Variants in GNAS observed in about 807,000 individuals in gnomAD.
The protein encoded by GNAS is protein ALEX.
A neutral mutation model predicts 54.5 loss-of-function variants in GNAS; 8 were observed. The observed-to-expected ratio is 0.15, with a 90% CI of 0.09 to 0.26. GNAS has a LOEUF of 0.26. Ranked by LOEUF, GNAS falls within the 10% of genes least tolerant of loss-of-function variation. The pLI is 1.00. For synonymous variants in GNAS, 204 were observed against 191.4 expected (o/e 1.07, Z -0.54); for missense variants, 170 against 529.8 (o/e 0.32, Z 6.67).
rs2091341859 is a variant in GNAS at position 58,910,166 on chromosome 20, C to T, written c.970+85C>T. Reference sequence around the variant, plus strand: ...AGGCTGAAAACCCCCATCCCCCTCCCACCACCAAACCATAAAGGATCTATA... The same window carrying T: ...AGGCTGAAAACCCCCATCCCCCTCCTACCACCAAACCATAAAGGATCTATA... On this transcript the variant is annotated intron_variant, in intron 11 of 12. Coordinates refer to ENST00000371085, the MANE Select transcript of GNAS (RefSeq NM_000516.7). This position sits in a 1 kb window ranked among gnomAD's most constrained non-coding sequence, Gnocchi z 5.8. The T allele has an allele frequency of 3.6e-6, 5 of 1,402,482 alleles. No homozygotes were observed. Among genetic ancestry groups the T allele is most frequent in the African/African-American group, 2.8e-5 (2 of 70,942 alleles). 86.9% of individuals were successfully genotyped at this position (1,402,482 alleles called of 1,614,324 possible). A position where few individuals can be genotyped will look rare whatever the true frequency, so the allele number is the denominator to read the frequency against.
At chr20:58,902,049 A>T (rs6026591) in intron 3 of GNAS, among the ~76,000 whole-genome samples, 92,334 of 150,996 alleles carry the variant, frequency 0.61, 28,488 homozygotes, top group South Asian at 0.7. Flanking sequence ...AAGATTAAAA[A>T]ATATATATAT....
At chr20:58,889,106 A>G (rs2088834764), upstream of GNAS, 2 of 1,124,056 alleles carry the variant, frequency 1.8e-6, no homozygotes, top group Non-Finnish European at 2.2e-6. Context: ...GGCCGCTGCT[A>G]TGGGTCGGTC....
At chr20:58,900,587 G>T (rs2090518703) in intron 3 of GNAS, among the ~76,000 whole-genome samples, 1 of 152,252 alleles carries the variant, frequency 6.6e-6, no homozygotes, top group South Asian at 2.1e-4. Context: ...TACATAGAAG[G>T]GGGAGGAGGA....
intron 1 of GNAS, 78 bp from the exon 2 acceptor site, chr20:58,895,534 A>G (rs995876432): frequency 1.1e-6 from 1 of 883,356 alleles, no homozygotes; most frequent in Non-Finnish European, 1.9e-6. Flanking sequence ...TGGAAAAACA[A>G]AACAACAACA....
chr20:58,894,222 A>G (rs2089819083), intron 1 of GNAS, among the ~76,000 whole-genome samples: 1 of 152,212 alleles, frequency 6.6e-6, no homozygotes, highest in Admixed American at 6.5e-5. Flanking sequence ...TTTGCCTATG[A>G]AAGATAGGTC....
chr20:58,910,870 TAATTA>T lies in GNAS; in HGVS notation c.*44_*48del, dbSNP rs763260246. On this transcript the variant is annotated 3_prime_UTR_variant, in exon 13 of 13. Transcript: ENST00000371085. The surrounding 1 kb of genome is among the most constrained non-coding windows in gnomAD (Gnocchi z 5.8). Reference sequence around the variant, plus strand: ...ATTTAATTAAAGCCTTAAGCACAATTAATTAAAAGTGAAACGTAATTGTACAAGCA... The same window carrying T: ...ATTTAATTAAAGCCTTAAGCACAATTAAAGTGAAACGTAATTGTACAAGCA... 1 of 1,584,226 alleles carries T rather than the reference TAATTA, an allele frequency of 6.3e-7. No homozygotes were observed. The highest frequency in any genetic ancestry group is 8.7e-7 in the Non-Finnish European group (1 of 1,153,426).
At chr20:58,892,078 G>T (rs986166466) in intron 1 of GNAS, 2 of 964,756 alleles carry the variant, frequency 2.1e-6, no homozygotes, top group African/African-American at 1.8e-5. Flanking sequence ...GGGGGGCCGT[G>T]GCGACGCGGG....
At chr20:58,906,885 T>C (rs571464535) in intron 6 of GNAS, among the ~76,000 whole-genome samples, 15 of 152,218 alleles carry the variant, frequency 9.9e-5, no homozygotes, top group Non-Finnish European at 1.9e-4. Flanking sequence ...CAAAGCAGTC[T>C]CAGTTAATGA....
chr20:58,868,452 C>CT (rs560938923), intron 1 of GNAS, among the ~76,000 whole-genome samples: 1,977 of 145,078 alleles, frequency 0.014, 27 homozygotes, highest in African/African-American at 0.038. Context: ...CCGCAGCCAG[C>CT]TTTTTTTTTT....
intron 1 of GNAS, among the ~76,000 whole-genome samples, chr20:58,882,043 T>A (rs2088255456): frequency 6.6e-6 from 1 of 152,180 alleles, no homozygotes. Context: ...CAGGTCCATC[T>A]CCATTTTCTT....
upstream of GNAS, chr20:58,839,802 T>A (rs1165946713): frequency 1.7e-5 from 10 of 579,582 alleles, no homozygotes; most frequent in African/African-American, 3.7e-5. Context: ...CTCTCTCGAG[T>A]CTTAGGCTGC....
chr20:58,853,213 G>C lies in GNAS; in HGVS notation c.43+12327G>C. 2 of 1,485,836 alleles carry C rather than the reference G, an allele frequency of 1.3e-6. No homozygotes were observed. The highest frequency in any genetic ancestry group is 5.0e-5 in the East Asian group (2 of 40,138). The allele number at this position is 1,485,836 out of a possible 1,614,324, so 92.0% of individuals were successfully genotyped here. On this transcript the variant is annotated intron_variant, in intron 1 of 12. Coordinates refer to the GNAS transcript ENST00000306090. This position sits in a 1 kb window ranked among gnomAD's most constrained non-coding sequence, Gnocchi z 4.4. ...TAATTTTTTCACCCTAGTTCGGTTG[G>C]GTGCTCCATCTTACGGAGCCCCAAA... is the stretch of plus-strand genomic sequence containing the variant.
intron 1 of GNAS, among the ~76,000 whole-genome samples, chr20:58,859,246 G>C (rs1007127437): frequency 6.6e-6 from 1 of 152,190 alleles, no homozygotes; most frequent in Non-Finnish European, 1.5e-5. Context: ...TGTCACCCAG[G>C]CTGGAGTGCA....
chr20:58,900,120 GA>G (rs1315167452), intron 3 of GNAS: 3 of 566,414 alleles, frequency 5.3e-6, no homozygotes, highest in Admixed American at 3.3e-5. Flanking sequence ...AACGATGATT[GA>G]AAAAACGAAA....
rs2145564593 is a variant in GNAS, at chr20:58,853,878, C to T, written c.43+12992C>T. 1 of 1,597,460 alleles carries T rather than the reference C, an allele frequency of 6.3e-7. No homozygotes were observed. Among genetic ancestry groups the T allele is most frequent in the East Asian group, 2.3e-5 (1 of 43,998 alleles). ...AGCTCCTCCCGAGGAGCCCCAAGCC[C>T]TCAGGCCTGCAAAGGCTGGCTCCAG... On this transcript the variant is annotated intron_variant, in intron 1 of 12. Transcript: ENST00000306090. This position sits in a 1 kb window ranked among gnomAD's most constrained non-coding sequence, Gnocchi z 4.4.
At chr20:58,864,975 ACTCTCTCT>A (rs113376325) in intron 1 of GNAS, among the ~76,000 whole-genome samples, 1 of 147,720 alleles carries the variant, frequency 6.8e-6, no homozygotes, top group African/African-American at 2.5e-5. Flanking sequence ...ACGCACGCAC[ACTCTCTCT>A]CTCTCTCTCT....
At chr20:58,908,810 A>C (rs763457883) in intron 6 of GNAS, 36 of 328,238 alleles carry the variant, frequency 1.1e-4, no homozygotes, top group Non-Finnish European at 1.8e-4. Flanking sequence ...GTAAAGAATA[A>C]AAAAGAAAAA....
At chr20:58,899,357 C>A in intron 3 of GNAS, 2 of 518,842 alleles carry the variant, frequency 3.9e-6, no homozygotes, top group Non-Finnish European at 7.3e-6. Context: ...TTCCATCTAC[C>A]CACTGGTTGG....
rs2086316971 is a variant in GNAS, at chr20:58,854,197, T to C, written c.43+13311T>C. ...GAGATCTCCGGACCCCCGTTCGAGA[T>C]TGGCAGCGCCCCCGCTGGGGTCGAC... On this transcript the variant is annotated intron_variant, in intron 1 of 12. Transcript: ENST00000306090. 2.5e-6 allele frequency: 4 copies of C among 1,613,066 alleles called. No homozygotes were observed. The African/African-American group carries it at 5.3e-5, about 21-fold the overall frequency.
Sources: gnomAD v4.1 joint callset for allele counts (sites outside exome capture counted in the v4.1 genomes callset) on GRCh38, gnomAD v4.1.1 for gene constraint, Gnocchi (gnomAD v3.1) non-coding constraint, MANE v1.5 for transcripts, NCBI Gene and HGNC (gene_info 2026-07-23, HGNC 2026-07-21) for gene names.